Variants in RNF150 observed in about 807,000 individuals in gnomAD.
The protein encoded by RNF150 is ring finger protein 150.
RNF150 carries 24 observed loss-of-function variants against 39.3 expected under a neutral mutation model. The observed-to-expected ratio is 0.61, with a 90% CI of 0.44 to 0.86. The LOEUF is 0.86. Ranked by LOEUF, RNF150 falls within the 40% of genes least tolerant of loss-of-function variation. The pLI is 0.00. For missense variants in RNF150, 502 were observed against 587.8 expected (o/e 0.85, Z 1.51); for synonymous variants, 255 against 227.3 (o/e 1.12, Z -1.10).
At chr4:141,195,402 T>G (rs73849859) in intron 1 of RNF150, among the ~76,000 whole-genome samples, 5,081 of 152,246 alleles carry the variant, frequency 0.033, 300 homozygotes, top group African/African-American at 0.11. Flanking sequence ...AGATATTAAT[T>G]TATGTGGTTT....
At chr4:140,966,165 C>T (rs1350842571) in intron 2 of RNF150, among the ~76,000 whole-genome samples, 3 of 151,830 alleles carry the variant, frequency 2.0e-5, no homozygotes, top group East Asian at 3.9e-4. Context: ...TGAAAACCCA[C>T]CTCTACTGAA....
chr4:141,187,450 G>A lies in RNF150; in HGVS notation c.-6+25344C>T, dbSNP rs571103187. ...TGATTTGTCTAATATTGACAGTGGG[G>A]AGTTAAAGTCTCTCACTATTATTGT... On this transcript the variant is annotated intron_variant, in intron 1 of 7. Transcript: ENST00000420921. Among the ~76,000 whole-genome samples, 79 of 152,272 alleles carry A rather than the reference G, an allele frequency of 5.2e-4. 1 individual carries two copies. Among genetic ancestry groups the A allele is most frequent in the African/African-American group, 1.8e-3 (74 of 41,556 alleles).
intron 1 of RNF150, among the ~76,000 whole-genome samples, chr4:141,138,628 G>A (rs1413643323): frequency 6.6e-6 from 1 of 152,212 alleles, no homozygotes; most frequent in African/African-American, 2.4e-5. Context: ...TTTGGAAGGG[G>A]AGGTACAGTG....
chr4:140,910,924 G>A (rs764368352), intron 6 of RNF150: 34 of 597,944 alleles, frequency 5.7e-5, no homozygotes, highest in Non-Finnish European at 8.9e-5. Flanking sequence ...GTGTCAGTGT[G>A]TGGGCAGGCA....
At chr4:141,092,412 C>T (rs918370680) in intron 1 of RNF150, among the ~76,000 whole-genome samples, 2 of 151,892 alleles carry the variant, frequency 1.3e-5, no homozygotes, top group Admixed American at 1.3e-4. Flanking sequence ...AAGGGAAATA[C>T]AAGCAATATC....
chr4:140,885,099 G>T (rs1178818509), intron 6 of RNF150, among the ~76,000 whole-genome samples: 1 of 151,704 alleles, frequency 6.6e-6, no homozygotes, highest in Admixed American at 6.6e-5. Context: ...TCTTCCTCCT[G>T]TCACTTCCAA....
At position 140,967,646 on chromosome 4, in the gene RNF150, C is replaced by A. The variant is rs1400730282; in HGVS notation, c.712G>T (p.Ala238Ser). ...ACCTGGTTCCTATCCCTGGCATTTG[C>A]ATATCGAAACCTCTGGATGTAATAA... is the stretch of plus-strand genomic sequence containing the variant. ...VFYYIQRFRY[A>S]NARDRNQRRL... The change falls in exon 2 of 7, where the codon GCA becomes TCA. Residue 238 changes from alanine (A) to serine (S), a missense_variant. Physicochemically the swap from Ala to Ser is moderately conservative, Grantham distance 99 (BLOSUM62 1). Transcript: ENST00000515673. 6.2e-7 allele frequency: 1 copy of A among 1,609,234 alleles called. No individual in the cohort carries two copies. The highest frequency in any genetic ancestry group is 1.7e-5 in the Admixed American group (1 of 59,834).
chr4:141,201,188 A>T (rs1449361894), intron 1 of RNF150, among the ~76,000 whole-genome samples: 1 of 152,090 alleles, frequency 6.6e-6, no homozygotes, highest in Non-Finnish European at 1.5e-5. Flanking sequence ...ATGTAGGTCC[A>T]CACATCTTTT....
intron 4 of RNF150, among the ~76,000 whole-genome samples, chr4:140,928,417 C>T (rs544643461): frequency 1.2e-4 from 18 of 148,488 alleles, no homozygotes; most frequent in Non-Finnish European, 2.2e-4. Context: ...CATGCAAGAG[C>T]GCAGGGAGGG....
At chr4:141,044,781 ACG>A (rs201641167) in intron 1 of RNF150, among the ~76,000 whole-genome samples, 4,920 of 146,916 alleles carry the variant, frequency 0.033, 181 homozygotes, top group East Asian at 0.21. Flanking sequence ...GCACACACAC[ACG>A]CACACACACA....
At chr4:141,203,057 T>TTA (rs746890764) in intron 1 of RNF150, among the ~76,000 whole-genome samples, 4,472 of 120,178 alleles carry the variant, frequency 0.037, 373 homozygotes, top group African/African-American at 0.097. Context: ...CTTGGAGATT[T>TTA]TATATATATA....
chr4:141,039,709 C>A (rs1736286247), intron 1 of RNF150, among the ~76,000 whole-genome samples: 1 of 152,030 alleles, frequency 6.6e-6, no homozygotes, highest in South Asian at 2.1e-4. Flanking sequence ...TAACTCTCAG[C>A]CAATCTGTAA....
intron 1 of RNF150, among the ~76,000 whole-genome samples, chr4:140,995,000 T>C (rs894985180): frequency 7.9e-5 from 12 of 152,218 alleles, no homozygotes; most frequent in Non-Finnish European, 1.6e-4. Context: ...ATTCCAGTTA[T>C]ACTATTTTAT....
Position 141,183,079 on chromosome 4 carries a change from T to C in RNF150, c.-6+29715A>G, listed in dbSNP as rs529854824. 2.0e-5 allele frequency among the ~76,000 whole-genome samples: 3 copies of C among 152,248 alleles called. No individual in the cohort carries two copies. The East Asian group carries it at 5.8e-4, about 29-fold the overall frequency. On this transcript the variant is annotated intron_variant, in intron 1 of 7. Transcript: ENST00000420921. ...AAAGAGACTCATTAAAGGACTAGGG[T>C]GTCAGACAACTTTGAGAGAAAGAAA...
chr4:140,957,924 G>C (rs1410793801), intron 2 of RNF150, among the ~76,000 whole-genome samples: 1 of 150,262 alleles, frequency 6.7e-6, no homozygotes, highest in Admixed American at 6.6e-5. Context: ...GGATAGCATT[G>C]GGAGATATAC....
intron 5 of RNF150, among the ~76,000 whole-genome samples, chr4:140,917,410 C>G (rs1336284506): frequency 6.6e-6 from 1 of 152,060 alleles, no homozygotes; most frequent in Non-Finnish European, 1.5e-5. Flanking sequence ...ATAAAACAGA[C>G]TTTAAACCAA....
At chr4:141,159,744 T>C (rs1480074326) in intron 1 of RNF150, among the ~76,000 whole-genome samples, 1 of 152,128 alleles carries the variant, frequency 6.6e-6, no homozygotes, top group Non-Finnish European at 1.5e-5. Flanking sequence ...GGTTTCGTCA[T>C]GTTTGCCCAG....
At chr4:141,093,416 A>G (rs954985876) in intron 1 of RNF150, among the ~76,000 whole-genome samples, 7 of 151,946 alleles carry the variant, frequency 4.6e-5, no homozygotes, top group African/African-American at 1.7e-4. Flanking sequence ...CTGAAGCCCC[A>G]GCAGGGCTGC....
At chr4:140,964,022 A>G (rs754355841) in intron 2 of RNF150, among the ~76,000 whole-genome samples, 9 of 152,100 alleles carry the variant, frequency 5.9e-5, no homozygotes, top group Non-Finnish European at 1.2e-4. Flanking sequence ...ATGAAGAGAA[A>G]TATGTTCACT....
Sources: allele counts gnomAD v4.1 joint callset (sites outside exome capture counted in the v4.1 genomes callset), GRCh38; gene constraint gnomAD v4.1.1; transcripts MANE v1.5; gene names NCBI Gene and HGNC (gene_info 2026-07-23, HGNC 2026-07-21).